SPACA7: variants seen among roughly 807,000 people sequenced by gnomAD.
The protein encoded by SPACA7 is sperm acrosome associated 7, also known as sperm acrosome-associated protein 7.
A neutral mutation model predicts 26.3 loss-of-function variants in SPACA7; 19 were observed. The ratio of observed to expected loss-of-function variants is 0.72; its 90% CI spans 0.50 to 1.06. The LOEUF (loss-of-function observed/expected upper bound fraction) is 1.06. Among genes scored for constraint, SPACA7 ranks in the 50% least tolerant of loss-of-function variants. The probability of loss-of-function intolerance (pLI) is 0.00; values close to 1 mark genes in which losing one functional copy is unlikely to be tolerated. For missense variants in SPACA7, 211 were observed against 229.9 expected (o/e 0.92, Z 0.53); for synonymous variants, 84 against 84.5 (o/e 0.99, Z 0.04).
chr13:112,423,549 G>A (rs1876198601), intron 5 of SPACA7, among the ~76,000 whole-genome samples: 1 of 152,098 alleles, frequency 6.6e-6, no homozygotes, highest in Admixed American at 6.5e-5. Context: ...GTGAACCTGA[G>A]GCATAAAGAG....
chr13:112,379,155 A>C (rs1883885097), intron 1 of SPACA7, among the ~76,000 whole-genome samples: 1 of 152,196 alleles, frequency 6.6e-6, no homozygotes, highest in South Asian at 2.1e-4. Context: ...CACATCATTA[A>C]TTCTTGTTCT....
chr13:112,423,360 C>T (rs1325277982), intron 5 of SPACA7, among the ~76,000 whole-genome samples: 1 of 152,058 alleles, frequency 6.6e-6, no homozygotes, highest in Non-Finnish European at 1.5e-5. Flanking sequence ...TAAAATTATT[C>T]ATGGCATAGA....
chr13:112,409,476 G>A (rs1304248793), intron 5 of SPACA7, among the ~76,000 whole-genome samples: 4 of 151,864 alleles, frequency 2.6e-5, no homozygotes, highest in Admixed American at 6.6e-5. Flanking sequence ...TCTGACAAAG[G>A]GCTAATATCC....
chr13:112,413,586 G>T (rs1343344581), intron 5 of SPACA7, among the ~76,000 whole-genome samples: 1 of 151,942 alleles, frequency 6.6e-6, no homozygotes, highest in Non-Finnish European at 1.5e-5. Context: ...GAATATTCCT[G>T]GTGATCTTTG....
chr13:112,393,921 G>A (rs1885063368), intron 2 of SPACA7, among the ~76,000 whole-genome samples: 2 of 151,410 alleles, frequency 1.3e-5, no homozygotes. Flanking sequence ...TGGAGGCAGA[G>A]GTTGCAGTAA....
At chr13:112,384,889 T>C (rs1193613090) in intron 1 of SPACA7, among the ~76,000 whole-genome samples, 3 of 152,182 alleles carry the variant, frequency 2.0e-5, no homozygotes, top group Non-Finnish European at 4.4e-5. Context: ...CATGTATGTA[T>C]TGGTGCATTT....
At chr13:112,392,511 T>A (rs1002107712) in intron 1 of SPACA7, among the ~76,000 whole-genome samples, 6 of 152,190 alleles carry the variant, frequency 3.9e-5, no homozygotes, top group African/African-American at 1.2e-4. Context: ...TGAAGCCAGG[T>A]CTTCATGATG....
chr13:112,383,041 AAAGACAGAAG>A (rs1884193695), intron 1 of SPACA7, among the ~76,000 whole-genome samples: 1 of 147,468 alleles, frequency 6.8e-6, no homozygotes, highest in African/African-American at 2.5e-5. Flanking sequence ...AGAGAGAGAG[AAAGACAGAAG>A]GAAAGAAAGA....
chr13:112,414,388 C>CTTTTTTTTTTTTTTTT lies in SPACA7; in HGVS notation c.445+13249_445+13264dup, dbSNP rs869183760. Reference sequence around the variant, plus strand: ...AAGTTTCTGAATGGCTTTTCTGTGTCTTTTTTTTTTTTTTTTTTTTTTTTT... The same window carrying CTTTTTTTTTTTTTTTT: ...AAGTTTCTGAATGGCTTTTCTGTGTCTTTTTTTTTTTTTTTTTTTTTTTTTTTTTTTTTTTTTTTTT... On this transcript the variant is annotated intron_variant, in intron 5 of 6. Transcript: ENST00000283550. Among the ~76,000 whole-genome samples, 13 of 31,396 alleles carry CTTTTTTTTTTTTTTTT rather than the reference C, an allele frequency of 4.1e-4. 5 individuals carry two copies. Among genetic ancestry groups the CTTTTTTTTTTTTTTTT allele is most frequent in the African/African-American group, 6.1e-4 (5 of 8,142 alleles). The allele number at this position is 31,396 out of a possible 152,430, so 20.6% of individuals were successfully genotyped here.
At chr13:112,390,434 G>A (rs1277557306) in intron 1 of SPACA7, among the ~76,000 whole-genome samples, 1 of 151,780 alleles carries the variant, frequency 6.6e-6, no homozygotes, top group Non-Finnish European at 1.5e-5. Flanking sequence ...TCATGGGCAT[G>A]TGTTCAAAAA....
intron 5 of SPACA7, among the ~76,000 whole-genome samples, chr13:112,405,612 C>T (rs1343290202): frequency 6.6e-6 from 1 of 152,158 alleles, no homozygotes; most frequent in African/African-American, 2.4e-5. Flanking sequence ...GTTCCATAAG[C>T]ACTTGAGAAA....
chr13:112,390,073 C>T, intron 1 of SPACA7, among the ~76,000 whole-genome samples: 1 of 151,950 alleles, frequency 6.6e-6, no homozygotes, highest in Non-Finnish European at 1.5e-5. Flanking sequence ...TTGTCTGGGT[C>T]CATAAAGCTC....
intron 1 of SPACA7, among the ~76,000 whole-genome samples, chr13:112,380,715 C>T (rs947891837): frequency 6.6e-6 from 1 of 152,138 alleles, no homozygotes; most frequent in Non-Finnish European, 1.5e-5. Flanking sequence ...TTTTCGTCAA[C>T]AAAAACACAT....
Position 112,382,652 on chromosome 13 carries a change from TA to T in SPACA7, c.94+6175del. The T allele has an allele frequency of 2.6e-6, 3 of 1,159,826 alleles. No homozygotes were observed. In the South Asian group the frequency reaches 5.5e-5, roughly 21 times the overall value. The allele number at this position is 1,159,826 out of a possible 1,614,324, so 71.8% of individuals were successfully genotyped here. ...AAGTAAACAGCATACTATAGGTAAA[TA>T]ATGAGTCCTAGGATAAGGAGCACAA... On this transcript the variant is annotated intron_variant, in intron 1 of 6. Coordinates refer to ENST00000283550, the MANE Select transcript of SPACA7 (RefSeq NM_145248.5).
chr13:112,391,530 T>C (rs921407091), intron 1 of SPACA7, among the ~76,000 whole-genome samples: 2 of 152,186 alleles, frequency 1.3e-5, no homozygotes, highest in African/African-American at 2.4e-5. Context: ...GTGTGCACGA[T>C]GTAAATATCG....
At chr13:112,411,363 T>C (rs1188931130) in intron 5 of SPACA7, among the ~76,000 whole-genome samples, 1 of 152,182 alleles carries the variant, frequency 6.6e-6, no homozygotes. Flanking sequence ...TTTTGCTATA[T>C]GCATACAATG....
At chr13:112,387,546 A>T (rs1884606362) in intron 1 of SPACA7, among the ~76,000 whole-genome samples, 1 of 152,246 alleles carries the variant, frequency 6.6e-6, no homozygotes, top group South Asian at 2.1e-4. Context: ...ACCCTTGCAG[A>T]GAGACAAATA....
chr13:112,420,722 G>A (rs1371878606), intron 5 of SPACA7, among the ~76,000 whole-genome samples: 1 of 151,912 alleles, frequency 6.6e-6, no homozygotes, highest in African/African-American at 2.4e-5. Flanking sequence ...GTATCTCAGA[G>A]AACACCAAGC....
intron 1 of SPACA7, among the ~76,000 whole-genome samples, chr13:112,390,311 C>CA (rs1884799359): frequency 6.6e-6 from 1 of 152,008 alleles, no homozygotes; most frequent in Non-Finnish European, 1.5e-5. Context: ...AAAGTCACGG[C>CA]AAAAAGGAGA....
Sources: allele counts gnomAD v4.1 joint callset (sites outside exome capture counted in the v4.1 genomes callset), GRCh38; gene constraint gnomAD v4.1.1; transcripts MANE v1.5; gene names NCBI Gene and HGNC (gene_info 2026-07-23, HGNC 2026-07-21).